The following SFXN4 variants were observed in gnomAD, a reference collection of about 807,000 sequenced individuals.
The protein encoded by SFXN4 is sideroflexin-4.
A neutral mutation model predicts 54.6 loss-of-function variants in SFXN4; 48 were observed. That is an observed-to-expected ratio of 0.88 (90% CI 0.70 to 1.12). The LOEUF (loss-of-function observed/expected upper bound fraction) is 1.12, where lower values mean the gene tolerates loss of function less well. Ranked by LOEUF, SFXN4 falls within the 50% of genes most tolerant of loss-of-function variation. The pLI is 0.00. For synonymous variants in SFXN4, 130 were observed against 145.5 expected, an observed-to-expected ratio of 0.89 and a Z score of 0.77; for missense variants, 383 against 409.2, an observed-to-expected ratio of 0.94 and a Z score of 0.55.
At chr10:119,148,956 G>A (rs551310946) in intron 11 of SFXN4, among the ~76,000 whole-genome samples, 2 of 151,994 alleles carry the variant, frequency 1.3e-5, no homozygotes, top group Admixed American at 6.6e-5. Flanking sequence ...GCGTGATCAC[G>A]GCTCACTGCA....
intron 11 of SFXN4, among the ~76,000 whole-genome samples, chr10:119,149,118 C>G (rs1434580505): frequency 6.6e-6 from 1 of 152,132 alleles, no homozygotes; most frequent in Non-Finnish European, 1.5e-5. Flanking sequence ...ACTTCCTGGC[C>G]TCACGCAATC....
At chr10:119,163,377 A>G (rs1483947587) in intron 2 of SFXN4, among the ~76,000 whole-genome samples, 1 of 152,086 alleles carries the variant, frequency 6.6e-6, no homozygotes, top group Non-Finnish European at 1.5e-5. Flanking sequence ...TACCTGTTAA[A>G]CAGATGTACG....
intron 13 of SFXN4, among the ~76,000 whole-genome samples, chr10:119,143,902 C>T (rs1270083453): frequency 6.6e-6 from 1 of 152,170 alleles, no homozygotes; most frequent in Non-Finnish European, 1.5e-5. Flanking sequence ...AGACATGAGC[C>T]ACCGTGCCTG....
At chr10:119,149,441 G>A (rs997964823) in intron 11 of SFXN4, among the ~76,000 whole-genome samples, 1 of 152,124 alleles carries the variant, frequency 6.6e-6, no homozygotes, top group Admixed American at 6.6e-5. Flanking sequence ...AAGCCGAGGA[G>A]GGCTGTTTTT....
At chr10:119,164,262 A>C in intron 1 of SFXN4, 66 bp from the exon 2 acceptor site, 47 of 761,176 alleles carry the variant, frequency 6.2e-5, no homozygotes, top group Non-Finnish European at 8.4e-5. Flanking sequence ...AAATACTAAC[A>C]GTTGGCTTTT....
intron 1 of SFXN4, 66 bp downstream of exon 1, chr10:119,165,447 GGCCTGGCCAAGGTCACCCGGGTCA>G: frequency 7.2e-7 from 1 of 1,383,636 alleles, no homozygotes; most frequent in Non-Finnish European, 9.3e-7. Context: ...GCGCCCACGT[GGCCTGGCCAAGGTCACCCGGGTCA>G]GCCCGACTCC....
intron 9 of SFXN4, 107 bp downstream of exon 9, chr10:119,157,561 T>A: frequency 1.1e-6 from 1 of 901,592 alleles, no homozygotes; most frequent in Non-Finnish European, 1.7e-6. Context: ...TTCCTAGTCA[T>A]ATTTTCTAAA....
In SFXN4 at chr10:119,165,702, G is replaced by GGCGGCGAGCCCCGCCCCGGGCCGC; in HGVS notation, c.-56_-55insGCGGCCCGGGGCGGGGCTCGCCGC. 7.3e-7 allele frequency: 1 copy of GGCGGCGAGCCCCGCCCCGGGCCGC among 1,372,716 alleles called. No individual in the cohort carries two copies. The highest frequency in any genetic ancestry group is 9.5e-7 in the Non-Finnish European group (1 of 1,048,054). The allele number at this position is 1,372,716 out of a possible 1,614,324, so 85.0% of individuals were successfully genotyped here. The stretch of plus-strand genomic sequence containing the variant: ...CAGGCCGCGCGTGGAGGAGGAGCCG[G>GGCGGCGAGCCCCGCCCCGGGCCGC]GCGGCGAGCCCCGCCCCGGGCCGCG... On this transcript the variant is annotated 5_prime_UTR_variant, in exon 1 of 14. Transcript: ENST00000355697.
At position 119,158,054 on chromosome 10, in the gene SFXN4, C is replaced by T. The variant is rs1387766070; in HGVS notation, c.369G>A (p.Leu123=). The change falls in exon 7 of 14, where the codon TTG becomes TTA. Residue 123 remains leucine, a synonymous_variant. Coordinates refer to ENST00000355697, the MANE Select transcript of SFXN4 (RefSeq NM_213649.2). ...TGATCCCTTTCAGTGGCGTCATTGA[C>T]AAAAATACCTTTTAAGAAGACAGTG... ...FLPFMAPTVF[L]SMTPLKGIKS... 1.2e-6 allele frequency: 2 copies of T among 1,613,964 alleles called. No homozygotes were observed. Among genetic ancestry groups the T allele is most frequent in the Admixed American group, 1.7e-5 (1 of 59,994 alleles).
At chr10:119,163,096 C>G (rs1847622930) in intron 2 of SFXN4, among the ~76,000 whole-genome samples, 1 of 152,104 alleles carries the variant, frequency 6.6e-6, no homozygotes, top group Admixed American at 6.5e-5. Context: ...CCACAGCCAG[C>G]CTCCATTTCT....
chr10:119,159,286 C>CAA (rs67173524), intron 6 of SFXN4, among the ~76,000 whole-genome samples: 8 of 151,454 alleles, frequency 5.3e-5, no homozygotes, highest in Admixed American at 1.3e-4. Context: ...TCTCGAAAAA[C>CAA]AAAAAAAACC....
intron 1 of SFXN4, 62 bp downstream of exon 1, chr10:119,165,475 C>T (rs1847731233): frequency 6.8e-7 from 1 of 1,478,702 alleles, no homozygotes; most frequent in Non-Finnish European, 8.9e-7. Context: ...CGGGTCAGCC[C>T]GACTCCACGC....
In SFXN4 at chr10:119,165,662, A is replaced by G; in HGVS notation, c.-15T>C. ...TCCAGGGACATTTTGCGCTGGTTAG[A>G]GTGGCCGCCGCCGCCAGGCCGCGCG... On this transcript the variant is annotated 5_prime_UTR_variant, in exon 1 of 14. Coordinates refer to ENST00000355697, the MANE Select transcript of SFXN4 (RefSeq NM_213649.2). 2 of 1,549,332 alleles carry G rather than the reference A, an allele frequency of 1.3e-6. No individual in the cohort carries two copies. The highest frequency in any genetic ancestry group is 2.3e-5 in the South Asian group (2 of 86,308).
At chr10:119,153,652 G>T (rs1357743157) in intron 11 of SFXN4, among the ~76,000 whole-genome samples, 1 of 152,140 alleles carries the variant, frequency 6.6e-6, no homozygotes, top group Admixed American at 6.6e-5. Context: ...AGAGCAGGCT[G>T]GGAGGGGAGT....
At chr10:119,157,295 G>A (rs1409227225) in intron 9 of SFXN4, among the ~76,000 whole-genome samples, 1 of 151,824 alleles carries the variant, frequency 6.6e-6, no homozygotes, top group Non-Finnish European at 1.5e-5. Context: ...GCTGGGTGTG[G>A]TGGCACGTGC....
intron 11 of SFXN4, among the ~76,000 whole-genome samples, chr10:119,151,966 C>A (rs553047005): frequency 2.0e-4 from 30 of 152,088 alleles, no homozygotes; most frequent in Non-Finnish European, 3.4e-4. Flanking sequence ...AGATGCACCC[C>A]GCCATGCCTA....
In SFXN4 at chr10:119,140,821, T is replaced by C. The variant is rs7897311; in HGVS notation, c.*421A>G. On this transcript the variant is annotated 3_prime_UTR_variant, in exon 14 of 14. Coordinates refer to ENST00000355697, the MANE Select transcript of SFXN4 (RefSeq NM_213649.2). The stretch of plus-strand genomic sequence containing the variant: ...AAGGAAACAAGATTGCTTTTGGGGT[T>C]GGAGGGCGTAAACAGCGCCCCAGGG... 156,052 of 156,532 alleles carry C rather than the reference T, an allele frequency of 1. 77,791 individuals carry two copies. The highest frequency in any genetic ancestry group is 1 in the East Asian group (5,310 of 5,310). The allele number at this position is 156,532 out of a possible 1,614,324, so 9.7% of individuals were successfully genotyped here.
intron 12 of SFXN4, 67 bp from the exon 13 acceptor site, chr10:119,146,420 A>C: frequency 1.1e-6 from 1 of 908,908 alleles, no homozygotes; most frequent in South Asian, 1.4e-5. Flanking sequence ...TGAACAGCTG[A>C]ATCAGGGCGT....
chr10:119,158,118 C>T, intron 6 of SFXN4, 56 bp from the exon 7 acceptor site: 3 of 1,535,658 alleles, frequency 2.0e-6, no homozygotes, highest in Non-Finnish European at 2.7e-6. Context: ...GGAGAACTTG[C>T]AGTAGCAAAG....
Sources: gnomAD v4.1 joint callset for allele counts (sites outside exome capture counted in the v4.1 genomes callset) on GRCh38, gnomAD v4.1.1 for gene constraint, MANE v1.5 for transcripts, NCBI Gene and HGNC (gene_info 2026-07-23, HGNC 2026-07-21) for gene names.